The following AKAP6 variants were observed in gnomAD, a reference collection of about 807,000 sequenced individuals.
AKAP6 encodes A-kinase anchoring protein 6, also known as A-kinase anchor protein 6.
AKAP6 carries 58 observed loss-of-function variants against 188.5 expected under a neutral mutation model. That is an observed-to-expected ratio of 0.31 (90% CI 0.25 to 0.38). The LOEUF (loss-of-function observed/expected upper bound fraction) is 0.38, where lower values mean the gene tolerates loss of function less well. Among genes scored for constraint, AKAP6 ranks in the 10% least tolerant of loss-of-function variants. The probability of loss-of-function intolerance (pLI) is 1.00; values close to 1 mark genes in which losing one functional copy is unlikely to be tolerated. For synonymous variants in AKAP6, 989 were observed against 998.6 expected (o/e 0.99, Z 0.18); for missense variants, 2,710 against 2,740.0 (o/e 0.99, Z 0.24).
At chr14:32,600,266 A>G (rs895646108) in intron 6 of AKAP6, among the ~76,000 whole-genome samples, 2 of 152,168 alleles carry the variant, frequency 1.3e-5, no homozygotes, top group African/African-American at 4.8e-5. Context: ...AATTTTTATC[A>G]TTATAAAGTC....
intron 8 of AKAP6, among the ~76,000 whole-genome samples, chr14:32,685,013 T>G (rs925520148): frequency 3.5e-4 from 53 of 152,098 alleles, no homozygotes; most frequent in African/African-American, 1.2e-3. Flanking sequence ...CCCAGCACTT[T>G]GGGAGGCCAA....
intron 1 of AKAP6, among the ~76,000 whole-genome samples, chr14:32,361,357 G>T (rs1405439353): frequency 6.6e-6 from 1 of 152,054 alleles, no homozygotes; most frequent in Non-Finnish European, 1.5e-5. Context: ...ATAGACTATT[G>T]GTAGTGGGGT....
chr14:32,551,138 T>C (rs1883441530), intron 4 of AKAP6, among the ~76,000 whole-genome samples: 1 of 152,202 alleles, frequency 6.6e-6, no homozygotes, highest in Non-Finnish European at 1.5e-5. Flanking sequence ...CTTGGCATGC[T>C]TCTTGCCTTT....
chr14:32,799,925 A>G (rs1339152308), intron 12 of AKAP6, among the ~76,000 whole-genome samples: 2 of 151,780 alleles, frequency 1.3e-5, no homozygotes, highest in African/African-American at 4.8e-5. Flanking sequence ...ATATCCAACA[A>G]TAGGCTGAGT....
At chr14:32,348,412 TG>T (rs372122426) in intron 1 of AKAP6, among the ~76,000 whole-genome samples, 4,015 of 92,998 alleles carry the variant, frequency 0.043, 129 homozygotes, top group African/African-American at 0.13. Context: ...TCTTTTCTTT[TG>T]TTTCTTTTTT....
chr14:32,666,768 CT>C (rs200888508), intron 7 of AKAP6, among the ~76,000 whole-genome samples: 1,582 of 151,786 alleles, frequency 0.01, 29 homozygotes, highest in African/African-American at 0.036. Flanking sequence ...TTAATTTAGG[CT>C]TTTTTTCAAA....
chr14:32,513,262 T>A (rs1384043305), intron 2 of AKAP6, among the ~76,000 whole-genome samples: 1 of 152,066 alleles, frequency 6.6e-6, no homozygotes, highest in African/African-American at 2.4e-5. Flanking sequence ...GGAGATGGAG[T>A]GAGTAAGGTT....
rs1273444659 is a variant in AKAP6, at chr14:32,826,087, TA to T, written c.*42+1273del. Among the ~76,000 whole-genome samples, 3 of 152,242 alleles carry T rather than the reference TA, an allele frequency of 2.0e-5. No individual in the cohort carries two copies. In the East Asian group the frequency reaches 5.8e-4, roughly 29 times the overall value. ...TTGAAAGATGAATGGCAAACATCAT[TA>T]TTTTTTTTTCCTGCAACACCTGTGC... On this transcript the variant is annotated intron_variant, in intron 13 of 13. Transcript: ENST00000280979.
intron 12 of AKAP6, among the ~76,000 whole-genome samples, chr14:32,775,032 C>T (rs2033012620): frequency 6.6e-6 from 1 of 152,102 alleles, no homozygotes; most frequent in South Asian, 2.1e-4. Flanking sequence ...ATTTTATCGT[C>T]AATAGTTCTG....
At chr14:32,387,498 TATG>T (rs1296177313) in intron 1 of AKAP6, among the ~76,000 whole-genome samples, 5 of 148,338 alleles carry the variant, frequency 3.4e-5, no homozygotes, top group East Asian at 1.9e-4. Context: ...TTTTATATAT[TATG>T]ATATTTATAA....
chr14:32,634,989 C>T (rs536739682), intron 7 of AKAP6, among the ~76,000 whole-genome samples: 1 of 151,370 alleles, frequency 6.6e-6, no homozygotes, highest in South Asian at 2.1e-4. Flanking sequence ...TTTGGTGTAC[C>T]CATCATGGGG....
At chr14:32,718,599 G>A (rs1465747170) in intron 9 of AKAP6, among the ~76,000 whole-genome samples, 1 of 152,226 alleles carries the variant, frequency 6.6e-6, no homozygotes, top group East Asian at 1.9e-4. Flanking sequence ...TTCTTTGATA[G>A]GTTTTCACAG....
rs71115086 is a variant in AKAP6, at chr14:32,615,167, CAA to C, written c.2730+14393_2730+14394del. Among the ~76,000 whole-genome samples the C allele has an allele frequency of 3.6e-4, 19 of 53,486 alleles. 1 individual carries two copies. The highest frequency in any genetic ancestry group is 5.4e-4 in the East Asian group (1 of 1,838). The allele number at this position is 53,486 out of a possible 152,430, so 35.1% of individuals were successfully genotyped here. ...CTGGCAACAGAGCAAGACTCTGTCT[CAA>C]AAAAAAAAAAAAAAAAAGATAAACA... On this transcript the variant is annotated intron_variant, in intron 7 of 13. Transcript: ENST00000280979.
rs144044073 is a variant in AKAP6, at chr14:32,568,614, A to G, written c.2347-8506A>G. On this transcript the variant is annotated intron_variant, in intron 4 of 13. Coordinates refer to ENST00000280979, the MANE Select transcript of AKAP6 (RefSeq NM_004274.5). This position sits in a 1 kb window ranked among gnomAD's most constrained non-coding sequence, Gnocchi z 6.2. ...TTGGAGGATTGGGGGTGCTTGAAGC[A>G]AGGTCTCACCTAGAGCAAGTCTGCC... Among the ~76,000 whole-genome samples the G allele has an allele frequency of 2.0e-5, 3 of 152,270 alleles. No individual in the cohort carries two copies. Among genetic ancestry groups the G allele is most frequent in the African/African-American group, 7.2e-5 (3 of 41,562 alleles).
intron 2 of AKAP6, among the ~76,000 whole-genome samples, chr14:32,518,777 T>C (rs1048093302): frequency 6.6e-6 from 1 of 152,200 alleles, no homozygotes; most frequent in African/African-American, 2.4e-5. Context: ...CTATTCAGGA[T>C]ATTATCCAGG....
Position 32,338,419 on chromosome 14 carries a change from T to G in AKAP6, c.-35+9011T>G, listed in dbSNP as rs1286230574. On this transcript the variant is annotated intron_variant, in intron 1 of 13. Transcript: ENST00000280979. ...ATGCCCAAATCTAAAGTGATATTTT[T>G]GCAATAGCTTGCATCAAATAGGGGG... 2.6e-5 allele frequency among the ~76,000 whole-genome samples: 4 copies of G among 152,152 alleles called. No individual in the cohort carries two copies. The East Asian group carries it at 7.7e-4, about 29-fold the overall frequency.
intron 8 of AKAP6, among the ~76,000 whole-genome samples, chr14:32,686,474 A>C (rs1889930347): frequency 6.6e-6 from 1 of 152,208 alleles, no homozygotes; most frequent in Non-Finnish European, 1.5e-5. Context: ...CAGAGGCTAA[A>C]TATTGAGAGG....
intron 7 of AKAP6, among the ~76,000 whole-genome samples, chr14:32,602,561 T>G (rs1240455047): frequency 1.3e-5 from 2 of 152,160 alleles, no homozygotes; most frequent in East Asian, 3.9e-4. Flanking sequence ...TCTGAGCTAC[T>G]CAGGAGGCTG....
chr14:32,694,346 G>A (rs1281836658), intron 8 of AKAP6, among the ~76,000 whole-genome samples: 9 of 146,028 alleles, frequency 6.2e-5, no homozygotes, highest in Admixed American at 4.3e-4. Flanking sequence ...GGATAACAGA[G>A]TGAGACTCCG....
Sources: allele counts gnomAD v4.1 joint callset (sites outside exome capture counted in the v4.1 genomes callset), GRCh38; gene constraint gnomAD v4.1.1; non-coding constraint Gnocchi (gnomAD v3.1); transcripts MANE v1.5; gene names NCBI Gene and HGNC (gene_info 2026-07-23, HGNC 2026-07-21).